CCDC181: variants seen among roughly 807,000 people sequenced by gnomAD.
The protein encoded by CCDC181 is coiled-coil domain-containing protein 181.
Under a neutral mutation model 58.7 loss-of-function variants are expected in CCDC181, and 35 were observed. That is an observed-to-expected ratio of 0.60 (90% confidence interval 0.46 to 0.79). The LOEUF (loss-of-function observed/expected upper bound fraction) is 0.79, where lower values mean the gene tolerates loss of function less well. CCDC181 is among the 30% of genes least tolerant of loss of function. The pLI, the probability that CCDC181 is intolerant of heterozygous loss-of-function variation, is 0.00. For missense variants in CCDC181, 517 were observed against 583.9 expected, an observed-to-expected ratio of 0.89 and a Z score of 1.18; for synonymous variants, 183 against 197.5, an observed-to-expected ratio of 0.93 and a Z score of 0.62.
chr1:169,437,727 C>G (rs898066996), intron 2 of CCDC181, among the ~76,000 whole-genome samples: 3 of 152,164 alleles, frequency 2.0e-5, no homozygotes, highest in African/African-American at 7.2e-5. Context: ...CTCATGCAGA[C>G]CTGGCTGTGG....
rs548796250 is a variant in CCDC181 at position 169,409,646 on chromosome 1, T to C, written c.1215+9367A>G. Among the ~76,000 whole-genome samples the C allele has an allele frequency of 1.4e-4, 21 of 152,066 alleles. No individual in the cohort carries two copies. The South Asian group carries it at 4.4e-3, about 32-fold the overall frequency. On this transcript the variant is annotated intron_variant, in intron 4 of 5. Coordinates refer to ENST00000367806, the MANE Select transcript of CCDC181 (RefSeq NM_001300969.2). ...TGTTAAGGGCAGCCAGAGAGAAAGGTCGGGTTACTTATAAAGGGAAGCTCA... is the reference window on the plus strand; with the variant it reads ...TGTTAAGGGCAGCCAGAGAGAAAGGCCGGGTTACTTATAAAGGGAAGCTCA...
chr1:169,434,418 A>G (rs2101741527), intron 2 of CCDC181, among the ~76,000 whole-genome samples: 1 of 152,152 alleles, frequency 6.6e-6, no homozygotes. Flanking sequence ...TGATCCAGCA[A>G]TCCCATTTCC....
intron 4 of CCDC181, among the ~76,000 whole-genome samples, chr1:169,399,787 G>A (rs1036172932): frequency 1.3e-5 from 2 of 152,108 alleles, no homozygotes; most frequent in South Asian, 4.1e-4. Context: ...CTGAGAGTAA[G>A]AAAAAACATG....
intron 4 of CCDC181, among the ~76,000 whole-genome samples, chr1:169,410,487 A>G (rs1655905263): frequency 6.6e-6 from 1 of 152,200 alleles, no homozygotes; most frequent in Non-Finnish European, 1.5e-5. Context: ...GATCGACAAG[A>G]CAGAAAATTA....
At chr1:169,453,880 A>G (rs1657616691) in intron 2 of CCDC181, among the ~76,000 whole-genome samples, 1 of 152,004 alleles carries the variant, frequency 6.6e-6, no homozygotes. Context: ...ATAGCTGACA[A>G]ATCCCAGTTA....
At chr1:169,431,738 G>A (rs775456684), upstream of CCDC181, among the ~76,000 whole-genome samples, 3 of 152,144 alleles carry the variant, frequency 2.0e-5, no homozygotes, top group Non-Finnish European at 4.4e-5. Context: ...CTTTAACATA[G>A]TTCATGAGAG....
At chr1:169,401,837 C>T (rs1051019712) in intron 4 of CCDC181, among the ~76,000 whole-genome samples, 48 of 152,200 alleles carry the variant, frequency 3.2e-4, no homozygotes, top group Middle Eastern at 3.4e-3. Flanking sequence ...TTCAGACAAT[C>T]GGTAATAACA....
chr1:169,439,226 A>G (rs916981535), intron 2 of CCDC181, among the ~76,000 whole-genome samples: 1 of 151,454 alleles, frequency 6.6e-6, no homozygotes, highest in African/African-American at 2.4e-5. Context: ...GAGAAGGAAG[A>G]AGGTGTTTGC....
chr1:169,414,028 T>A (rs1326066899), intron 4 of CCDC181, among the ~76,000 whole-genome samples: 2 of 147,330 alleles, frequency 1.4e-5, no homozygotes, highest in South Asian at 4.3e-4. Context: ...TTAAAAAAAA[T>A]AATTAAATAC....
chr1:169,443,383 A>T (rs1474181088), intron 2 of CCDC181: 1 of 152,132 alleles, frequency 6.6e-6, no homozygotes, highest in Non-Finnish European at 1.5e-5. Flanking sequence ...TCAGTATGTG[A>T]TTAGAAGTCT....
rs77446610 is a variant in CCDC181, at chr1:169,421,526, G to T, written c.905C>A (p.Pro302Gln). 1.9e-6 allele frequency: 3 copies of T among 1,614,094 alleles called. No individual in the cohort carries two copies. Among genetic ancestry groups the T allele is most frequent in the Non-Finnish European group, 2.5e-6 (3 of 1,180,004 alleles). The stretch of plus-strand genomic sequence containing the variant: ...TCGATCTGAGTTGACAGCAGAGCTT[G>T]GACAAGTCTTGCGGTTGAGTGGTGG... ...AQPPLNRKTC[P>Q]SSAVNSDRSK... Residue 302 changes from proline to glutamine, a missense_variant, in exon 3 of 6, where the codon CCA (proline) becomes CAA (glutamine). Pro to Gln is a moderately conservative substitution (Grantham distance 76). Coordinates refer to ENST00000367806, the MANE Select transcript of CCDC181 (RefSeq NM_001300969.2).
At chr1:169,401,619 A>G (rs1655352624) in intron 4 of CCDC181, among the ~76,000 whole-genome samples, 1 of 152,224 alleles carries the variant, frequency 6.6e-6, no homozygotes, top group African/African-American at 2.4e-5. Flanking sequence ...TAACAAACAG[A>G]AAGGACATCC....
intron 4 of CCDC181, among the ~76,000 whole-genome samples, chr1:169,401,367 C>T (rs377466781): frequency 5.9e-5 from 9 of 152,232 alleles, no homozygotes; most frequent in African/African-American, 1.4e-4. Flanking sequence ...GGGTCCCTGA[C>T]GCCCAAGTAG....
chr1:169,423,652 T>C (rs966803075), intron 2 of CCDC181, among the ~76,000 whole-genome samples: 3 of 151,992 alleles, frequency 2.0e-5, no homozygotes, highest in Admixed American at 2.0e-4. Flanking sequence ...TAGGTGATCA[T>C]TAATACTTGT....
At chr1:169,405,706 A>G (rs1655610519) in intron 4 of CCDC181, among the ~76,000 whole-genome samples, 1 of 152,234 alleles carries the variant, frequency 6.6e-6, no homozygotes, top group South Asian at 2.1e-4. Context: ...TAAAAACCCT[A>G]GAAGAAAAGC....
In CCDC181 at chr1:169,450,467, G is replaced by T. The variant is rs953188871; in HGVS notation, c.-24+9330C>A. 5.3e-5 allele frequency among the ~76,000 whole-genome samples: 8 copies of T among 152,072 alleles called. No individual in the cohort carries two copies. The South Asian group carries it at 1.7e-3, about 31-fold the overall frequency. ...CATAATGTTTTTGAGGTTTCTCCAC[G>T]TTATGGTATGTATCAGTATTTCATT... On this transcript the variant is annotated intron_variant, in intron 2 of 6. Coordinates refer to the CCDC181 transcript ENST00000545005.
chr1:169,449,929 A>G (rs1406785435), intron 2 of CCDC181, among the ~76,000 whole-genome samples: 1 of 152,176 alleles, frequency 6.6e-6, no homozygotes, highest in Admixed American at 6.5e-5. Flanking sequence ...TTGACACTCA[A>G]TATTAACTAT....
chr1:169,413,867 C>T (rs12026728), intron 4 of CCDC181, among the ~76,000 whole-genome samples: 17,589 of 122,190 alleles, frequency 0.14, 1,083 homozygotes, highest in Admixed American at 0.18. Flanking sequence ...TGGGGCCTGT[C>T]GGAGGGTGGG....
chr1:169,430,890 A>AGTCT (rs753134088), upstream of CCDC181, among the ~76,000 whole-genome samples: 2 of 152,300 alleles, frequency 1.3e-5, no homozygotes, highest in Admixed American at 6.5e-5. Flanking sequence ...GCCCGCAATC[A>AGTCT]GTCTGATTGG....
Sources: allele counts gnomAD v4.1 joint callset (sites outside exome capture counted in the v4.1 genomes callset), GRCh38; gene constraint gnomAD v4.1.1; transcripts MANE v1.5; gene names NCBI Gene and HGNC (gene_info 2026-07-23, HGNC 2026-07-21).